DSP: variants seen among roughly 807,000 people sequenced by gnomAD.
DSP encodes the protein 250/210 kDa paraneoplastic pemphigus antigen.
A neutral mutation model predicts 290.6 loss-of-function variants in DSP; 114 were observed. The observed-to-expected ratio is 0.39, with a 90% CI of 0.34 to 0.46. The LOEUF (loss-of-function observed/expected upper bound fraction) is 0.46, where lower values mean the gene tolerates loss of function less well. Among genes scored for constraint, DSP ranks in the 20% least tolerant of loss-of-function variants. The pLI is 0.99. For missense variants in DSP, 3,230 were observed against 3,495.8 expected, an observed-to-expected ratio of 0.92 and a Z score of 1.92; for synonymous variants, 1,311 against 1,316.4, an observed-to-expected ratio of 1.00 and a Z score of 0.09.
rs794728124 is a variant in DSP, at chr6:7,581,402, C to T, written c.5212C>T (p.Arg1738Ter). ...RLEYDDLRRG[R>*]SEADSDKNAT... ...GGAGTACGATGACCTGAGGAGAGGA[C>T]GAAGCGAAGCGGACAGTGATAAAAA... Residue 1738 changes from arginine (R) to a stop codon, truncating the protein, a stop_gained, in exon 23 of 24, where the codon CGA (arginine) becomes TGA (stop). Coordinates refer to ENST00000379802, the MANE Select transcript of DSP (RefSeq NM_004415.4). LOFTEE classifies it high-confidence loss of function. 5 of 1,613,586 alleles carry T rather than the reference C, an allele frequency of 3.1e-6. No individual in the cohort carries two copies. Among genetic ancestry groups the T allele is most frequent in the African/African-American group, 1.3e-5 (1 of 74,762 alleles).
chr6:7,548,506 A>T (rs1229352758), intron 1 of DSP, among the ~76,000 whole-genome samples: 1 of 152,064 alleles, frequency 6.6e-6, no homozygotes, highest in East Asian at 1.9e-4. Flanking sequence ...CTGGGCGTGG[A>T]CTCCAACTGT....
chr6:7,543,579 A>G (rs1355538267), intron 1 of DSP, among the ~76,000 whole-genome samples: 3 of 151,806 alleles, frequency 2.0e-5, no homozygotes, highest in African/African-American at 7.3e-5. Flanking sequence ...TGAAATTTAA[A>G]TTTTCTCCCG....
chr6:7,546,231 C>T (rs1758166714), intron 1 of DSP, among the ~76,000 whole-genome samples: 1 of 152,058 alleles, frequency 6.6e-6, no homozygotes, highest in South Asian at 2.1e-4. Flanking sequence ...GAATTGGATG[C>T]GAGAGACAAG....
chr6:7,544,517 A>G (rs933507418), intron 1 of DSP, among the ~76,000 whole-genome samples: 4 of 149,756 alleles, frequency 2.7e-5, no homozygotes, highest in Non-Finnish European at 4.4e-5. Context: ...CATGAAAACT[A>G]GTATAAAAAC....
intron 1 of DSP, among the ~76,000 whole-genome samples, chr6:7,543,721 T>C (rs1347009062): frequency 6.6e-6 from 1 of 152,218 alleles, no homozygotes; most frequent in East Asian, 1.9e-4. Flanking sequence ...AGTATTTATT[T>C]TGATTATTAT....
chr6:7,575,584 G>A, intron 18 of DSP, 96 bp downstream of exon 18: 2 of 1,502,846 alleles, frequency 1.3e-6, no homozygotes, highest in Non-Finnish European at 1.8e-6. Flanking sequence ...GAAAACAGAG[G>A]TTTTGTTTTT....
intron 1 of DSP, among the ~76,000 whole-genome samples, chr6:7,543,217 G>A (rs1025791625): frequency 5.9e-5 from 9 of 152,008 alleles, no homozygotes; most frequent in Admixed American, 2.0e-4. Flanking sequence ...GGCCCTGAGC[G>A]CCGGGACGTT....
Position 7,565,258 on chromosome 6 carries a change from T to G in DSP, c.778-101T>G. On this transcript the variant is annotated intron_variant, in intron 6 of 23. Transcript: ENST00000379802. This position sits in a 1 kb window ranked among gnomAD's most constrained non-coding sequence, Gnocchi z 4.2. Reference sequence around the variant, plus strand: ...GTTAACATTTTTCCTATCCGTGTGATTTTTTTTTTAAAGGGACCACAGGTT... The same window carrying G: ...GTTAACATTTTTCCTATCCGTGTGAGTTTTTTTTTAAAGGGACCACAGGTT... The G allele has an allele frequency of 8.3e-7, 1 of 1,201,308 alleles. No homozygotes were observed. Among genetic ancestry groups the G allele is most frequent in the East Asian group, 2.8e-5 (1 of 35,872 alleles). 74.4% of individuals were successfully genotyped at this position (1,201,308 alleles called of 1,614,324 possible).
Position 7,583,905 on chromosome 6 carries a change from C to A in DSP, c.6643C>A (p.Gln2215Lys), listed in dbSNP as rs1448333338. 2 of 1,614,136 alleles carry A rather than the reference C, an allele frequency of 1.2e-6. No homozygotes were observed. The highest frequency in any genetic ancestry group is 8.5e-7 in the Non-Finnish European group (1 of 1,180,022). The change falls in exon 24 of 24, where the codon CAA becomes AAA. Residue 2215 changes from glutamine (Q) to lysine (K), a missense_variant. This residue lies in a region of DSP where 207 missense variants were observed against 281.2 expected (regional missense o/e 0.74). Transcript: ENST00000379802. This position sits in a 1 kb window ranked among gnomAD's most constrained non-coding sequence, Gnocchi z 4.0. Reference sequence around the variant, plus strand: ...AAGCATGTCCTTCCAAGGAATCAGACAACCTGTGACCGTCACTGAGCTAGT... The same window carrying A: ...AAGCATGTCCTTCCAAGGAATCAGAAAACCTGTGACCGTCACTGAGCTAGT... ...KRSMSFQGIR[Q>K]PVTVTELVDS...
At position 7,579,065 on chromosome 6, in the gene DSP, T is replaced by A. The variant is rs1456795769; in HGVS notation, c.3085-210T>A. ...GTAGCTCAGACTCAAAGATAATATA[T>A]CATTTGCTAAGAGCATATGAGCAGC... On this transcript the variant is annotated intron_variant, in intron 22 of 23. Transcript: ENST00000379802. This position sits in a 1 kb window ranked among gnomAD's most constrained non-coding sequence, Gnocchi z 4.1. 6.6e-6 allele frequency among the ~76,000 whole-genome samples: 1 copy of A among 152,192 alleles called. No individual in the cohort carries two copies. Among genetic ancestry groups the A allele is most frequent in the Non-Finnish European group, 1.5e-5 (1 of 68,046 alleles).
chr6:7,568,972 A>C (rs143815021), intron 11 of DSP, among the ~76,000 whole-genome samples: 1 of 152,326 alleles, frequency 6.6e-6, no homozygotes, highest in Non-Finnish European at 1.5e-5. Context: ...TAAATAAATA[A>C]AATGTAGCTC....
chr6:7,566,136 A>G lies in DSP; in HGVS notation c.940-241A>G, dbSNP rs570874687. ...AAGCCTGGGATTAGAAAACCTCAGG[A>G]TGGATGTAGCTCTTCTTTCCTCCTG... On this transcript the variant is annotated intron_variant, in intron 7 of 23. Coordinates refer to ENST00000379802, the MANE Select transcript of DSP (RefSeq NM_004415.4). Among the ~76,000 whole-genome samples the G allele has an allele frequency of 3.3e-5, 5 of 152,282 alleles. No homozygotes were observed. In the South Asian group the frequency reaches 1.0e-3, roughly 32 times the overall value.
In DSP at chr6:7,580,267, C is replaced by T. The variant is rs747249306; in HGVS notation, c.4077C>T (p.Ile1359=). The change falls in exon 23 of 24, where the codon ATC becomes ATT. Residue 1359 remains isoleucine (I), a synonymous_variant. Transcript: ENST00000379802. This position sits in a 1 kb window ranked among gnomAD's most constrained non-coding sequence, Gnocchi z 4.2. ...SKVRNNYDEE[I]ISLKNQFETE... Reference sequence around the variant, plus strand: ...TAAGAAACAATTATGATGAGGAGATCATTAGCTTAAAAAATCAGTTTGAGA... The same window carrying T: ...TAAGAAACAATTATGATGAGGAGATTATTAGCTTAAAAAATCAGTTTGAGA... 13 of 1,613,626 alleles carry T rather than the reference C, an allele frequency of 8.1e-6. No homozygotes were observed. The highest frequency in any genetic ancestry group is 9.3e-6 in the Non-Finnish European group (11 of 1,179,944).
Position 7,565,489 on chromosome 6 carries a change from C to T in DSP, c.908C>T (p.Thr303Ile). ...CTGTACGACTGGAGCGACAAGAACA[C>T]CAACATCGCTCAGAAACAGGAGGCC... ...ELLYDWSDKN[T>I]NIAQKQEAFS... The change falls in exon 7 of 24, where the codon ACC becomes ATC. Residue 303 changes from threonine to isoleucine, a missense_variant. Physicochemically the swap from Thr to Ile is moderately conservative, Grantham distance 89. Coordinates refer to ENST00000379802, the MANE Select transcript of DSP (RefSeq NM_004415.4). This position sits in a 1 kb window ranked among gnomAD's most constrained non-coding sequence, Gnocchi z 4.2. The T allele has an allele frequency of 6.2e-7, 1 of 1,613,968 alleles. No individual in the cohort carries two copies. Among genetic ancestry groups the T allele is most frequent in the Non-Finnish European group, 8.5e-7 (1 of 1,179,930 alleles).
At chr6:7,560,801 AAGTTTTCTTAGTATGAC>A (rs1220276993) in intron 4 of DSP, among the ~76,000 whole-genome samples, 5 of 152,116 alleles carry the variant, frequency 3.3e-5, no homozygotes, top group Non-Finnish European at 7.4e-5. Flanking sequence ...ATATCTCCTA[AAGTTTTCTTAGTATGAC>A]AGTTATAAAA....
intron 19 of DSP, 140 bp downstream of exon 19, chr6:7,576,596 G>T (rs1759247892): frequency 9.1e-7 from 1 of 1,104,312 alleles, no homozygotes; most frequent in South Asian, 1.3e-5. Flanking sequence ...AAGGCTTAAA[G>T]AATGCCCAGA....
rs1561681390 is a variant in DSP at position 7,559,210 on chromosome 6, G to A, written c.423-16G>A. The A allele has an allele frequency of 1.2e-6, 2 of 1,613,616 alleles. No individual in the cohort carries two copies. The highest frequency in any genetic ancestry group is 1.7e-6 in the Non-Finnish European group (2 of 1,179,914). ...GCTGTTTTCCTGCAGTGGTTTAAAG[G>A]TTTTTTTCTTTGCAGGCTTCTTCAG... On this transcript the variant is annotated splice_polypyrimidine_tract_variant and intron_variant, in intron 3 of 23. Transcript: ENST00000379802.
Position 7,579,663 on chromosome 6 carries a change from T to TA in DSP, c.3474dup (p.Glu1159ArgfsTer3), listed in dbSNP as rs727503000. The TA allele has an allele frequency of 6.2e-7, 1 of 1,613,704 alleles. No individual in the cohort carries two copies. On this transcript the variant is annotated frameshift_variant, in exon 23 of 24. Transcript: ENST00000379802. LOFTEE classifies it high-confidence loss of function. This position sits in a 1 kb window ranked among gnomAD's most constrained non-coding sequence, Gnocchi z 4.1. The stretch of plus-strand genomic sequence containing the variant: ...AAGGAGAACCTTGGTTGGCAGAAAT[T>TA]AGAGTCTGAGAAAGCCATCAAGGAG...
chr6:7,550,947 A>C (rs905942512), intron 1 of DSP, among the ~76,000 whole-genome samples: 8 of 152,260 alleles, frequency 5.3e-5, no homozygotes, highest in African/African-American at 1.9e-4. Context: ...CAGTATTAAA[A>C]ATTTCTTTGA....
Sources: allele counts gnomAD v4.1 joint callset (sites outside exome capture counted in the v4.1 genomes callset), GRCh38; gene constraint gnomAD v4.1.1; regional missense constraint gnomAD v4.1.1; non-coding constraint Gnocchi (gnomAD v3.1); transcripts MANE v1.5; gene names NCBI Gene and HGNC (gene_info 2026-07-23, HGNC 2026-07-21).